FER: variants seen among roughly 807,000 people sequenced by gnomAD.
FER encodes the protein FER tyrosine kinase, also known as tyrosine-protein kinase Fer.
Under a neutral mutation model 111.0 loss-of-function variants are expected in FER, and 63 were observed. That is an observed-to-expected ratio of 0.57 (90% confidence interval 0.46 to 0.70). The LOEUF is 0.70. Ranked by LOEUF, FER falls within the 30% of genes least tolerant of loss-of-function variation. The pLI is 0.00. For missense variants in FER, 914 were observed against 954.0 expected, an observed-to-expected ratio of 0.96 and a Z score of 0.55; for synonymous variants, 327 against 313.9, an observed-to-expected ratio of 1.04 and a Z score of -0.44.
rs1018482048 is a variant in FER at position 108,766,328 on chromosome 5, A to G, written c.-205-1765A>G. Among the ~76,000 whole-genome samples, 5 of 152,350 alleles carry G rather than the reference A, an allele frequency of 3.3e-5. No individual in the cohort carries two copies. In the South Asian group the frequency reaches 6.2e-4, roughly 19 times the overall value. On this transcript the variant is annotated intron_variant, in intron 1 of 19. Coordinates refer to ENST00000281092, the MANE Select transcript of FER (RefSeq NM_005246.4). ...TGCCTTACTTTACACCAAAGTGTAC[A>G]AATCAGAGGAAACCATAATTCATTT...
chr5:109,071,717 T>C (rs1440199632), intron 16 of FER, among the ~76,000 whole-genome samples: 1 of 151,970 alleles, frequency 6.6e-6, no homozygotes. Flanking sequence ...ACACGGGGAA[T>C]TTTTATTATG....
At chr5:109,072,069 A>T (rs1775827640) in intron 16 of FER, among the ~76,000 whole-genome samples, 1 of 151,810 alleles carries the variant, frequency 6.6e-6, no homozygotes, top group Admixed American at 6.6e-5. Flanking sequence ...TTTCTCATAT[A>T]AATAAGACCA....
chr5:109,053,992 GGA>G (rs1773286193), intron 16 of FER, among the ~76,000 whole-genome samples: 1 of 151,922 alleles, frequency 6.6e-6, no homozygotes, highest in Non-Finnish European at 1.5e-5. Flanking sequence ...CGCCCGGCCT[GGA>G]GTTCTATTTA....
chr5:108,835,181 G>GCCGCCCCCCCCCCCCCC (rs1312154707), intron 4 of FER, among the ~76,000 whole-genome samples: 1 of 56,308 alleles, frequency 1.8e-5, no homozygotes, highest in Non-Finnish European at 3.3e-5. Context: ...CTTCGTTTGC[G>GCCGCCCCCCCCCCCCCC]CCACCCCCCC....
rs897294669 is a variant in FER, at chr5:108,977,058, A to G, written c.1656+17711A>G. 5.3e-5 allele frequency among the ~76,000 whole-genome samples: 8 copies of G among 152,360 alleles called. No individual in the cohort carries two copies. In the East Asian group the frequency reaches 1.5e-3, roughly 29 times the overall value. The stretch of plus-strand genomic sequence containing the variant: ...TTTAGTACAGAGACAAACTGCTCAC[A>G]CAGAGATGATTAGCATCACACAGCA... On this transcript the variant is annotated intron_variant, in intron 13 of 19. Transcript: ENST00000281092.
At chr5:108,915,966 T>A (rs1752213947) in intron 10 of FER, among the ~76,000 whole-genome samples, 1 of 152,138 alleles carries the variant, frequency 6.6e-6, no homozygotes, top group Non-Finnish European at 1.5e-5. Context: ...CACAGGGTAC[T>A]ATGATATGAC....
intron 13 of FER, among the ~76,000 whole-genome samples, chr5:109,017,633 A>T (rs1444559579): frequency 1.3e-5 from 2 of 151,924 alleles, no homozygotes; most frequent in Non-Finnish European, 2.9e-5. Context: ...TCAAAATAAA[A>T]TTCATTTTGC....
chr5:108,790,344 A>G (rs533805674), intron 2 of FER, among the ~76,000 whole-genome samples: 7 of 151,986 alleles, frequency 4.6e-5, no homozygotes, highest in Non-Finnish European at 1.0e-4. Context: ...CATGTCTTCA[A>G]ATAAGATTAT....
chr5:108,845,586 C>CT (rs149821851), intron 5 of FER, among the ~76,000 whole-genome samples: 34 of 151,804 alleles, frequency 2.2e-4, no homozygotes, highest in Non-Finnish European at 2.9e-5. Context: ...ATCTAGGTGA[C>CT]TTTTTTTTCT....
chr5:108,913,663 C>T (rs1045216055), intron 10 of FER, among the ~76,000 whole-genome samples: 1 of 152,132 alleles, frequency 6.6e-6, no homozygotes, highest in African/African-American at 2.4e-5. Flanking sequence ...GATATATACT[C>T]AATAGAAATA....
chr5:109,159,084 T>A (rs1429447560), intron 17 of FER, among the ~76,000 whole-genome samples: 1 of 152,164 alleles, frequency 6.6e-6, no homozygotes, highest in African/African-American at 2.4e-5. Flanking sequence ...TTTAGGCATA[T>A]TCAACCTGGT....
chr5:108,819,847 T>C (rs1758659748), intron 3 of FER: 1 of 985,282 alleles, frequency 1.0e-6, no homozygotes, highest in Non-Finnish European at 1.2e-6. Context: ...TTAATTTTTT[T>C]CCCCCAGAAG....
At chr5:109,125,875 G>C (rs1359072834) in intron 17 of FER, among the ~76,000 whole-genome samples, 1 of 152,070 alleles carries the variant, frequency 6.6e-6, no homozygotes, top group Non-Finnish European at 1.5e-5. Context: ...TTCTTTTTAG[G>C]CATCACCTGA....
chr5:109,032,484 C>G (rs1472045972), intron 13 of FER, among the ~76,000 whole-genome samples: 2 of 152,078 alleles, frequency 1.3e-5, no homozygotes, highest in Admixed American at 1.3e-4. Flanking sequence ...CTACTACTTG[C>G]ATTTGAATCC....
At chr5:109,015,522 A>T (rs1441503658) in intron 13 of FER, among the ~76,000 whole-genome samples, 1 of 151,938 alleles carries the variant, frequency 6.6e-6, no homozygotes, top group Non-Finnish European at 1.5e-5. Context: ...GGTGACTGAG[A>T]CATAGCCTTT....
chr5:109,001,439 C>G (rs1256248223), intron 13 of FER, among the ~76,000 whole-genome samples: 1 of 152,190 alleles, frequency 6.6e-6, no homozygotes, highest in Non-Finnish European at 1.5e-5. Flanking sequence ...AACAACCATT[C>G]ATGCTAAAAA....
At chr5:109,073,015 T>A (rs1412488521) in intron 16 of FER, among the ~76,000 whole-genome samples, 4 of 152,256 alleles carry the variant, frequency 2.6e-5, no homozygotes, top group East Asian at 1.9e-4. Flanking sequence ...TTCTTTGTTT[T>A]ATAAAGACAC....
intron 16 of FER, among the ~76,000 whole-genome samples, chr5:109,050,522 A>T (rs1772642466): frequency 1.3e-5 from 2 of 152,218 alleles, no homozygotes; most frequent in African/African-American, 4.8e-5. Flanking sequence ...CCCTGACTCT[A>T]GCTCAAAAGA....
intron 17 of FER, among the ~76,000 whole-genome samples, chr5:109,136,934 C>T (rs1348530197): frequency 1.3e-5 from 2 of 152,094 alleles, no homozygotes; most frequent in African/African-American, 4.8e-5. Context: ...GGTGTAAAAG[C>T]AATTTTGATA....
Sources: gnomAD v4.1 joint callset for allele counts (sites outside exome capture counted in the v4.1 genomes callset) on GRCh38, gnomAD v4.1.1 for gene constraint, MANE v1.5 for transcripts, NCBI Gene and HGNC (gene_info 2026-07-23, HGNC 2026-07-21) for gene names.